The following ALKBH4 variants were observed in gnomAD, a reference collection of about 807,000 sequenced individuals.
ALKBH4 encodes the protein alkB homolog 4, lysine demethylase.
A neutral mutation model predicts 12.1 loss-of-function variants in ALKBH4; 8 were observed. The observed-to-expected ratio is 0.66, with a 90% CI of 0.39 to 1.19. The LOEUF (loss-of-function observed/expected upper bound fraction) is 1.19, where lower values mean the gene tolerates loss of function less well. Among genes scored for constraint, ALKBH4 ranks in the 50% most tolerant of loss-of-function variants. The pLI, the probability that ALKBH4 is intolerant of heterozygous loss-of-function variation, is 0.01. For missense variants in ALKBH4, 403 were observed against 430.4 expected (o/e 0.94, Z 0.56); for synonymous variants, 195 against 191.6 (o/e 1.02, Z -0.15).
At chr7:102,464,045 C>T (rs537183877) in intron 1 of ALKBH4, among the ~76,000 whole-genome samples, 16 of 152,002 alleles carry the variant, frequency 1.1e-4, no homozygotes, top group African/African-American at 3.4e-4. Flanking sequence ...ACCTCCCCCC[C>T]CCCACAACCT....
rs562211133 is a variant in ALKBH4, at chr7:102,457,636, G to T, written c.667C>A (p.Arg223=). The T allele has an allele frequency of 1.3e-6, 2 of 1,582,644 alleles. No individual in the cohort carries two copies. Among genetic ancestry groups the T allele is most frequent in the Non-Finnish European group, 1.7e-6 (2 of 1,170,614 alleles). ...ALVDSVIAPS[R]SVLCQEVEVA... is the part of the protein sequence containing the mutation. ...TCCACCTCCTGGCATAGCACCGACC[G>T]GCTGGGTGCTATCACGCTGTCCACC... The change falls in exon 3 of 3, where the codon CGG becomes AGG. Residue 223 remains arginine, a synonymous_variant. Coordinates refer to ENST00000292566, the MANE Select transcript of ALKBH4 (RefSeq NM_017621.4). This position sits in a 1 kb window ranked among gnomAD's most constrained non-coding sequence, Gnocchi z 5.9.
chr7:102,463,112 C>T (rs1027946010), intron 1 of ALKBH4, among the ~76,000 whole-genome samples: 2 of 151,512 alleles, frequency 1.3e-5, no homozygotes, highest in Non-Finnish European at 2.9e-5. Context: ...TACGTGTCAC[C>T]ATGTATGGTT....
At position 102,457,348 on chromosome 7, in the gene ALKBH4, T is replaced by G; in HGVS notation, c.*46A>C. The stretch of plus-strand genomic sequence containing the variant: ...TGCAGGAGGCCCTGTTCTGTGCTCC[T>G]CATTTCAATCCCGGGATCAGTCAAG... On this transcript the variant is annotated 3_prime_UTR_variant, in exon 3 of 3. Transcript: ENST00000292566. The surrounding 1 kb of genome is among the most constrained non-coding windows in gnomAD (Gnocchi z 5.9). 1 of 1,564,484 alleles carries G rather than the reference T, an allele frequency of 6.4e-7. No individual in the cohort carries two copies. The highest frequency in any genetic ancestry group is 8.7e-7 in the Non-Finnish European group (1 of 1,149,016).
intron 1 of ALKBH4, among the ~76,000 whole-genome samples, chr7:102,460,025 G>A (rs1395303841): frequency 1.3e-5 from 2 of 151,950 alleles, no homozygotes; most frequent in Admixed American, 6.6e-5. Context: ...ATGGTGGCAG[G>A]TGCCTGTAAT....
chr7:102,457,818 C>CGCTCGGGGCAGTAGTCCAGGTTGCACT lies in ALKBH4; in HGVS notation c.458_484dup (p.Gln153_Glu161dup). 1 of 1,609,484 alleles carries CGCTCGGGGCAGTAGTCCAGGTTGCACT rather than the reference C, an allele frequency of 6.2e-7. No homozygotes were observed. The highest frequency in any genetic ancestry group is 8.5e-7 in the Non-Finnish European group (1 of 1,179,556). On this transcript the variant is annotated inframe_insertion, in exon 3 of 3. Coordinates refer to ENST00000292566, the MANE Select transcript of ALKBH4 (RefSeq NM_017621.4). This position sits in a 1 kb window ranked among gnomAD's most constrained non-coding sequence, Gnocchi z 5.9. ...CAGGTGGGGGTCAATGGCAGAGCCC[C>CGCTCGGGGCAGTAGTCCAGGTTGCACT]GCTCGGGGCAGTAGTCCAGGTTGCA...
Position 102,456,888 on chromosome 7 carries a change from G to A in ALKBH4, c.*506C>T, listed in dbSNP as rs998881214. On this transcript the variant is annotated 3_prime_UTR_variant, in exon 3 of 3. Transcript: ENST00000292566. Reference sequence around the variant, plus strand: ...CTGTCACCGAGGCTGGAGTGCAGTGGCGTGATCTTGGCTCACTGCAACCTC... The same window carrying A: ...CTGTCACCGAGGCTGGAGTGCAGTGACGTGATCTTGGCTCACTGCAACCTC... The A allele has an allele frequency of 1.3e-5, 2 of 152,434 alleles. No individual in the cohort carries two copies. Among genetic ancestry groups the A allele is most frequent in the East Asian group, 3.9e-4 (2 of 5,188 alleles). The allele number at this position is 152,434 out of a possible 1,614,324, so 9.4% of individuals were successfully genotyped here.
intron 1 of ALKBH4, 47 bp downstream of exon 1, chr7:102,464,667 A>C: frequency 6.7e-7 from 1 of 1,483,520 alleles, no homozygotes; most frequent in South Asian, 1.3e-5. Context: ...CAGTTTCCCC[A>C]GATGCAGAGC....
chr7:102,457,515 G>A lies in ALKBH4; in HGVS notation c.788C>T (p.Ala263Val), dbSNP rs1797680648. ...KHAIHRRHIE[A>V]RRVCVTFREL... ...CCGGAAAGTGACGCAGACGCGGCGG[G>A]CCTCGATGTGTCTGCGGTGGATGGC... The change falls in exon 3 of 3, where the codon GCC becomes GTC. Residue 263 changes from alanine (A) to valine (V), a missense_variant. Transcript: ENST00000292566. This position sits in a 1 kb window ranked among gnomAD's most constrained non-coding sequence, Gnocchi z 5.9. 2 of 1,613,016 alleles carry A rather than the reference G, an allele frequency of 1.2e-6. No homozygotes were observed. Among genetic ancestry groups the A allele is most frequent in the Non-Finnish European group, 1.7e-6 (2 of 1,179,982 alleles).
chr7:102,463,626 G>C (rs540166233), intron 1 of ALKBH4, among the ~76,000 whole-genome samples: 2 of 152,130 alleles, frequency 1.3e-5, no homozygotes, highest in Non-Finnish European at 2.9e-5. Context: ...CACTGAACCC[G>C]GCCCAGGTAT....
intron 1 of ALKBH4, 108 bp downstream of exon 1, chr7:102,464,606 G>A: frequency 7.2e-7 from 1 of 1,398,302 alleles, no homozygotes. Context: ...CCTACCGTAA[G>A]GGTCCCTCAC....
rs116995449 is a variant in ALKBH4, at chr7:102,456,409, C to T, written c.*985G>A. On this transcript the variant is annotated 3_prime_UTR_variant, in exon 3 of 3. Coordinates refer to ENST00000292566, the MANE Select transcript of ALKBH4 (RefSeq NM_017621.4). ...ACAGGTGTGTGCCACCATGCCCAGA[C>T]GCCCAGCTAATGTTTGTATTTTTTG... The T allele has an allele frequency of 6.5e-3, 985 of 152,264 alleles. 7 individuals are homozygous for T. The highest frequency in any genetic ancestry group is 0.011 in the Non-Finnish European group (762 of 68,052). The allele number at this position is 152,264 out of a possible 1,614,324, so 9.4% of individuals were successfully genotyped here.
At chr7:102,459,273 G>A in intron 2 of ALKBH4, 1 of 245,596 alleles carries the variant, frequency 4.1e-6, no homozygotes, top group Non-Finnish European at 7.9e-6. Context: ...TGCGTGTGAG[G>A]AGACAGGACA....
At chr7:102,464,629 CG>C (rs1797894514) in intron 1 of ALKBH4, 84 bp downstream of exon 1, 1 of 1,436,318 alleles carries the variant, frequency 7.0e-7, no homozygotes, top group Non-Finnish European at 9.1e-7. Flanking sequence ...GCTTCGATCC[CG>C]GCCCCTATCA....
rs141453839 is a variant in ALKBH4, at chr7:102,459,680, C to G, written c.245G>C (p.Arg82Pro). Residue 82 changes from arginine to proline, a missense_variant, in exon 2 of 3, where the codon CGG becomes CCG. Physicochemically the swap from Arg to Pro is moderately radical, Grantham distance 103 (BLOSUM62 -2). Coordinates refer to ENST00000292566, the MANE Select transcript of ALKBH4 (RefSeq NM_017621.4). The stretch of plus-strand genomic sequence containing the variant: ...CCGCACCAACTCGGCTTCTTCCTCC[C>G]GGGTCACAAAGTCCTCGATCAGCAT... ...GVMLIEDFVT[R>P]EEEAELVRLM... is the part of the protein sequence containing the mutation. The G allele has an allele frequency of 5.6e-6, 9 of 1,614,212 alleles. No homozygotes were observed. Among genetic ancestry groups the G allele is most frequent in the African/African-American group, 1.3e-5 (1 of 75,074 alleles).
rs770174046 is a variant in ALKBH4 at position 102,457,206 on chromosome 7, G to A, written c.*188C>T. Reference sequence around the variant, plus strand: ...TAAATAACCAAAAAAGTGTGGCCACGGTCCAGGTGGAAGGGGGCTGCCTGG... The same window carrying A: ...TAAATAACCAAAAAAGTGTGGCCACAGTCCAGGTGGAAGGGGGCTGCCTGG... On this transcript the variant is annotated 3_prime_UTR_variant, in exon 3 of 3. Coordinates refer to ENST00000292566, the MANE Select transcript of ALKBH4 (RefSeq NM_017621.4). This position sits in a 1 kb window ranked among gnomAD's most constrained non-coding sequence, Gnocchi z 5.9. 6 of 605,390 alleles carry A rather than the reference G, an allele frequency of 9.9e-6. No homozygotes were observed. Among genetic ancestry groups the A allele is most frequent in the African/African-American group, 1.9e-5 (1 of 53,720 alleles). The allele number at this position is 605,390 out of a possible 1,614,324, so 37.5% of individuals were successfully genotyped here. A position where few individuals can be genotyped will look rare whatever the true frequency, so the allele number is the denominator to read the frequency against.
intron 2 of ALKBH4, among the ~76,000 whole-genome samples, chr7:102,458,922 G>A (rs1797725114): frequency 6.6e-6 from 1 of 152,054 alleles, no homozygotes; most frequent in Non-Finnish European, 1.5e-5. Flanking sequence ...GCTGAGGCGG[G>A]CGGATCACTT....
At chr7:102,460,337 A>AT (rs1563649527) in intron 1 of ALKBH4, among the ~76,000 whole-genome samples, 4 of 27,766 alleles carry the variant, frequency 1.4e-4, no homozygotes, top group Non-Finnish European at 3.2e-4. Context: ...AAAAAAAAAA[A>AT]GAAAAAAAAA....
chr7:102,459,918 C>G (rs1234241285), intron 1 of ALKBH4, 117 bp from the exon 2 acceptor site: 1 of 933,830 alleles, frequency 1.1e-6, no homozygotes, highest in African/African-American at 1.7e-5. Flanking sequence ...CTTTGGGAGG[C>G]CGAGGTGGGT....
chr7:102,463,228 G>C (rs900749864), intron 1 of ALKBH4, among the ~76,000 whole-genome samples: 1 of 151,780 alleles, frequency 6.6e-6, no homozygotes, highest in Non-Finnish European at 1.5e-5. Context: ...TGGAATTACA[G>C]GTGTGAGCCA....
Sources: allele counts gnomAD v4.1 joint callset (sites outside exome capture counted in the v4.1 genomes callset), GRCh38; gene constraint gnomAD v4.1.1; non-coding constraint Gnocchi (gnomAD v3.1); transcripts MANE v1.5; gene names NCBI Gene and HGNC (gene_info 2026-07-23, HGNC 2026-07-21).